The following KCNK2 variants were observed in gnomAD, a reference collection of about 807,000 sequenced individuals.
KCNK2 encodes the protein potassium two pore domain channel subfamily K member 2.
Under a neutral mutation model 40.5 loss-of-function variants are expected in KCNK2, and 21 were observed. That is an observed-to-expected ratio of 0.52 (90% CI 0.37 to 0.75). KCNK2 has a LOEUF of 0.75. Ranked by LOEUF, KCNK2 falls within the 30% of genes least tolerant of loss-of-function variation. The probability of loss-of-function intolerance (pLI) is 0.00; values close to 1 mark genes in which losing one functional copy is unlikely to be tolerated. For missense variants in KCNK2, 399 were observed against 531.6 expected (o/e 0.75, Z 2.45); for synonymous variants, 191 against 202.2 (o/e 0.94, Z 0.47).
chr1:215,067,298 T>A (rs942074579), intron 1 of KCNK2, among the ~76,000 whole-genome samples: 1 of 152,178 alleles, frequency 6.6e-6, no homozygotes, highest in African/African-American at 2.4e-5. Flanking sequence ...TTTATCAATT[T>A]AAAAAATTAC....
chr1:215,152,531 T>G (rs972908313), intron 3 of KCNK2, among the ~76,000 whole-genome samples: 1 of 152,196 alleles, frequency 6.6e-6, no homozygotes, highest in Non-Finnish European at 1.5e-5. Context: ...ATTAATGGTA[T>G]AAAGAAAAGC....
intron 1 of KCNK2, among the ~76,000 whole-genome samples, chr1:215,046,485 T>C (rs1657775746): frequency 6.6e-6 from 1 of 152,084 alleles, no homozygotes; most frequent in South Asian, 2.1e-4. Flanking sequence ...TGATATAAAA[T>C]ACTCATTTTG....
In KCNK2 at chr1:215,190,173, A is replaced by G. The variant is rs558514265; in HGVS notation, c.824-4780A>G. On this transcript the variant is annotated intron_variant, in intron 5 of 6. Transcript: ENST00000444842. ...CAGAAAAAGAAAATTATATTTAACT[A>G]AGAGGGGATGTTGTATGCCCAAGTT... Among the ~76,000 whole-genome samples, 4 of 152,294 alleles carry G rather than the reference A, an allele frequency of 2.6e-5. No homozygotes were observed. In the East Asian group the frequency reaches 7.7e-4, roughly 29 times the overall value.
chr1:215,042,051 C>T (rs1657585994), intron 1 of KCNK2, among the ~76,000 whole-genome samples: 1 of 152,152 alleles, frequency 6.6e-6, no homozygotes, highest in Non-Finnish European at 1.5e-5. Flanking sequence ...GACTTATTAA[C>T]TGTCACAAAA....
At chr1:215,169,737 C>G (rs1663614574) in intron 4 of KCNK2, among the ~76,000 whole-genome samples, 1 of 151,848 alleles carries the variant, frequency 6.6e-6, no homozygotes, top group Non-Finnish European at 1.5e-5. Flanking sequence ...CCTCCACCTC[C>G]CAGGTTCAAG....
chr1:215,115,308 A>T (rs539510167), intron 2 of KCNK2, among the ~76,000 whole-genome samples: 1 of 152,232 alleles, frequency 6.6e-6, no homozygotes, highest in African/African-American at 2.4e-5. Flanking sequence ...ATGAATAGAG[A>T]TTAGTGACAT....
At chr1:215,195,963 AC>A (rs1436828165) in intron 6 of KCNK2, among the ~76,000 whole-genome samples, 14 of 152,148 alleles carry the variant, frequency 9.2e-5, no homozygotes, top group Admixed American at 5.2e-4. Context: ...TCAGTGTCAG[AC>A]TCTTTCATGG....
intron 1 of KCNK2, among the ~76,000 whole-genome samples, chr1:215,084,625 C>T (rs1017910701): frequency 3.9e-5 from 6 of 152,164 alleles, no homozygotes; most frequent in African/African-American, 1.4e-4. Flanking sequence ...GCATTAAACA[C>T]ATGCCCAGTG....
chr1:215,167,663 A>C (rs1663509398), intron 3 of KCNK2, among the ~76,000 whole-genome samples: 1 of 152,186 alleles, frequency 6.6e-6, no homozygotes, highest in Non-Finnish European at 1.5e-5. Flanking sequence ...TAAATATTGA[A>C]TAAAAATACT....
intron 2 of KCNK2, among the ~76,000 whole-genome samples, chr1:215,099,995 C>T (rs1349952648): frequency 6.6e-6 from 1 of 151,902 alleles, no homozygotes; most frequent in African/African-American, 2.4e-5. Context: ...AAATTAACTT[C>T]TTTTTCTTTG....
intron 1 of KCNK2, among the ~76,000 whole-genome samples, chr1:215,016,019 C>T (rs1032294143): frequency 3.9e-5 from 6 of 152,178 alleles, no homozygotes; most frequent in African/African-American, 1.4e-4. Flanking sequence ...CAGGCCCCCA[C>T]GATCAAGCGA....
intron 1 of KCNK2, among the ~76,000 whole-genome samples, chr1:215,073,810 A>G (rs886834558): frequency 6.6e-6 from 1 of 152,216 alleles, no homozygotes; most frequent in Non-Finnish European, 1.5e-5. Context: ...ATGGCTGGAC[A>G]TGGTAAGCCC....
chr1:215,218,490 G>C (rs1666043218), intron 6 of KCNK2, among the ~76,000 whole-genome samples: 1 of 152,144 alleles, frequency 6.6e-6, no homozygotes, highest in African/African-American at 2.4e-5. Flanking sequence ...GCTCATGCCA[G>C]AATCCTCTCA....
At chr1:215,189,803 A>C (rs1664592812) in intron 5 of KCNK2, among the ~76,000 whole-genome samples, 1 of 152,214 alleles carries the variant, frequency 6.6e-6, no homozygotes, top group Non-Finnish European at 1.5e-5. Flanking sequence ...TTAATAACAC[A>C]ATAAGATATA....
At chr1:215,039,167 A>G (rs905701403) in intron 1 of KCNK2, among the ~76,000 whole-genome samples, 1 of 152,134 alleles carries the variant, frequency 6.6e-6, no homozygotes, top group African/African-American at 2.4e-5. Flanking sequence ...GTCAATTTGT[A>G]AGTCTTGCCC....
At chr1:215,035,485 T>A (rs930325248) in intron 1 of KCNK2, among the ~76,000 whole-genome samples, 34 of 152,094 alleles carry the variant, frequency 2.2e-4, no homozygotes, top group African/African-American at 8.2e-4. Flanking sequence ...TTTGCCCTTT[T>A]CATAATGTCA....
chr1:215,204,135 C>A (rs1469826358), intron 6 of KCNK2, among the ~76,000 whole-genome samples: 1 of 145,748 alleles, frequency 6.9e-6, no homozygotes, highest in Admixed American at 6.9e-5. Flanking sequence ...TTGAATTAGA[C>A]CCACACATTT....
chr1:215,115,118 GA>G (rs1450324236), intron 2 of KCNK2, among the ~76,000 whole-genome samples: 17 of 151,712 alleles, frequency 1.1e-4, no homozygotes, highest in African/African-American at 4.1e-4. Context: ...GGAAGGACAG[GA>G]AAAAATCCTT....
chr1:215,008,365 T>C (rs908833040), intron 1 of KCNK2, among the ~76,000 whole-genome samples: 1 of 152,110 alleles, frequency 6.6e-6, no homozygotes, highest in African/African-American at 2.4e-5. Flanking sequence ...ATCTAAAAAT[T>C]TGTTGCACCA....
Sources: allele counts gnomAD v4.1 joint callset (sites outside exome capture counted in the v4.1 genomes callset), GRCh38; gene constraint gnomAD v4.1.1; transcripts MANE v1.5; gene names NCBI Gene and HGNC (gene_info 2026-07-23, HGNC 2026-07-21).